Variants in CSMD1 observed in about 807,000 individuals in gnomAD.
The protein encoded by CSMD1 is CUB and Sushi multiple domains 1.
Under a neutral mutation model 417.5 loss-of-function variants are expected in CSMD1, and 213 were observed. The ratio of observed to expected loss-of-function variants is 0.51; its 90% CI spans 0.46 to 0.57. The LOEUF (loss-of-function observed/expected upper bound fraction) is 0.57, where lower values mean the gene tolerates loss of function less well. CSMD1 is among the 20% of genes least tolerant of loss of function. The probability of loss-of-function intolerance (pLI) is 0.00; values close to 1 mark genes in which losing one functional copy is unlikely to be tolerated. For synonymous variants in CSMD1, 2,862 were observed against 1,736.8 expected (o/e 1.65, Z -16.11); for missense variants, 6,923 against 4,529.7 (o/e 1.53, Z -15.17).
intron 2 of CSMD1, among the ~76,000 whole-genome samples, chr8:4,456,106 T>TAAAATAAG (rs1799464738): frequency 6.9e-6 from 1 of 145,182 alleles, no homozygotes; most frequent in African/African-American, 2.5e-5. Context: ...ACTGCACACT[T>TAAAATAAG]AAAATAAGAA....
chr8:3,464,292 T>C (rs76108416), intron 12 of CSMD1, among the ~76,000 whole-genome samples: 5,147 of 152,194 alleles, frequency 0.034, 155 homozygotes, highest in East Asian at 0.15. Flanking sequence ...ACCACTACAA[T>C]AGCAAACATG....
At chr8:3,456,572 C>A (rs923031110) in intron 12 of CSMD1, among the ~76,000 whole-genome samples, 1 of 152,156 alleles carries the variant, frequency 6.6e-6, no homozygotes, top group Non-Finnish European at 1.5e-5. Flanking sequence ...TGCATTACTT[C>A]CTACTATGCC....
At chr8:4,142,103 G>C (rs1193433631) in intron 3 of CSMD1, among the ~76,000 whole-genome samples, 2 of 150,964 alleles carry the variant, frequency 1.3e-5, no homozygotes, top group Non-Finnish European at 2.9e-5. Context: ...CCTAATGTTT[G>C]AAGCAACATT....
At chr8:4,189,521 A>G (rs1399990090) in intron 3 of CSMD1, among the ~76,000 whole-genome samples, 1 of 152,198 alleles carries the variant, frequency 6.6e-6, no homozygotes, top group South Asian at 2.1e-4. Flanking sequence ...CATATATTAA[A>G]GATCAATCAA....
chr8:3,973,635 T>G (rs1279760393), intron 5 of CSMD1, among the ~76,000 whole-genome samples: 2 of 152,300 alleles, frequency 1.3e-5, no homozygotes, highest in African/African-American at 2.4e-5. Flanking sequence ...TTCCTGATTG[T>G]CATCTGTTTA....
At chr8:3,200,221 G>T (rs1407880968) in intron 32 of CSMD1, among the ~76,000 whole-genome samples, 1 of 151,854 alleles carries the variant, frequency 6.6e-6, no homozygotes, top group African/African-American at 2.4e-5. Context: ...TAAATTAAAA[G>T]ATTCAGAAAA....
chr8:3,549,514 G>T (rs1177613827), intron 10 of CSMD1, among the ~76,000 whole-genome samples: 1 of 152,174 alleles, frequency 6.6e-6, no homozygotes, highest in Non-Finnish European at 1.5e-5. Context: ...GGTCGTCAGG[G>T]CTCTCCTTTC....
chr8:4,638,343 G>C (rs1485533749), intron 1 of CSMD1, among the ~76,000 whole-genome samples: 1 of 152,144 alleles, frequency 6.6e-6, no homozygotes, highest in African/African-American at 2.4e-5. Flanking sequence ...AAAAAACAAG[G>C]TCAATACGCC....
chr8:4,409,850 G>A (rs899279301), intron 3 of CSMD1, among the ~76,000 whole-genome samples: 3 of 152,024 alleles, frequency 2.0e-5, no homozygotes, highest in Non-Finnish European at 2.9e-5. Context: ...GTCTCACTCT[G>A]TTGCCCAGGC....
chr8:4,854,418 GC>G (rs1393768639), intron 1 of CSMD1, among the ~76,000 whole-genome samples: 3 of 152,166 alleles, frequency 2.0e-5, no homozygotes, highest in Non-Finnish European at 4.4e-5. Flanking sequence ...AGCCAAGATG[GC>G]CGAATAGGAA....
At chr8:3,873,373 A>AT (rs1294772350) in intron 5 of CSMD1, among the ~76,000 whole-genome samples, 1 of 151,688 alleles carries the variant, frequency 6.6e-6, no homozygotes, top group Non-Finnish European at 1.5e-5. Context: ...CTATCAAGAC[A>AT]TAAAAAAAAA....
chr8:4,147,214 G>T (rs1215531385), intron 3 of CSMD1, among the ~76,000 whole-genome samples: 1 of 151,922 alleles, frequency 6.6e-6, no homozygotes, highest in East Asian at 1.9e-4. Flanking sequence ...TACTGAAAAA[G>T]AAAGCACGCA....
intron 2 of CSMD1, among the ~76,000 whole-genome samples, chr8:4,521,807 G>A (rs1164801581): frequency 1.3e-5 from 2 of 152,252 alleles, no homozygotes; most frequent in South Asian, 2.1e-4. Flanking sequence ...CCAAGCACCT[G>A]GGTGGCCTAC....
At chr8:3,668,444 G>T (rs1279293009) in intron 7 of CSMD1, among the ~76,000 whole-genome samples, 2 of 152,130 alleles carry the variant, frequency 1.3e-5, no homozygotes, top group African/African-American at 4.8e-5. Flanking sequence ...AGAGATGAGG[G>T]TTTATTCAGG....
In CSMD1 at chr8:3,399,468, TC is replaced by T; in HGVS notation, c.2327del (p.Gly776AspfsTer12). Reference protein sequence around the residue: ...SGVILPPGWPGYYKDSLHCEW... With the variant: ...SGVILPPGWPXYYKDSLHCEW... ...CACAATGTAAAGAATCCTTATAATATCCTGGCCATCCAGGAGGCAAAATGAC... is the reference window on the plus strand; with the variant it reads ...CACAATGTAAAGAATCCTTATAATATCTGGCCATCCAGGAGGCAAAATGAC... On this transcript the variant is annotated frameshift_variant, in exon 16 of 70. Coordinates refer to ENST00000635120, the MANE Select transcript of CSMD1 (RefSeq NM_033225.6). LOFTEE classifies it high-confidence loss of function. The T allele has an allele frequency of 6.2e-7, 1 of 1,610,350 alleles. No homozygotes were observed. Among genetic ancestry groups the T allele is most frequent in the Non-Finnish European group, 8.5e-7 (1 of 1,178,188 alleles).
At chr8:3,267,131 C>T (rs923319118) in intron 26 of CSMD1, among the ~76,000 whole-genome samples, 1 of 152,088 alleles carries the variant, frequency 6.6e-6, no homozygotes, top group Non-Finnish European at 1.5e-5. Context: ...ACCCAGAGGT[C>T]GTCCCGCGGC....
At chr8:2,982,387 T>A (rs989727350) in intron 54 of CSMD1, among the ~76,000 whole-genome samples, 1 of 152,088 alleles carries the variant, frequency 6.6e-6, no homozygotes, top group African/African-American at 2.4e-5. Flanking sequence ...AAAGCAAATA[T>A]GGATAAACAT....
At chr8:3,238,547 G>A (rs1375913330) in intron 26 of CSMD1, among the ~76,000 whole-genome samples, 2 of 152,120 alleles carry the variant, frequency 1.3e-5, no homozygotes, top group East Asian at 1.9e-4. Flanking sequence ...GGGCAGCATG[G>A]GAACTTAGAG....
intron 12 of CSMD1, among the ~76,000 whole-genome samples, chr8:3,464,396 C>G (rs898512793): frequency 2.6e-5 from 4 of 152,064 alleles, no homozygotes; most frequent in African/African-American, 9.7e-5. Flanking sequence ...ACCCAACTTT[C>G]AATTGAGCAT....
Sources: gnomAD v4.1 joint callset for allele counts (sites outside exome capture counted in the v4.1 genomes callset) on GRCh38, gnomAD v4.1.1 for gene constraint, MANE v1.5 for transcripts, NCBI Gene and HGNC (gene_info 2026-07-23, HGNC 2026-07-21) for gene names.